SYT14: variants seen among roughly 807,000 people sequenced by gnomAD.
The protein encoded by SYT14 is synaptotagmin-14.
SYT14 carries 32 observed loss-of-function variants against 74.2 expected under a neutral mutation model. The ratio of observed to expected loss-of-function variants is 0.43; its 90% CI spans 0.33 to 0.58. SYT14 has a LOEUF of 0.58. Ranked by LOEUF, SYT14 falls within the 20% of genes least tolerant of loss-of-function variation. The pLI is 0.05. For synonymous variants in SYT14, 298 were observed against 337.7 expected (o/e 0.88, Z 1.29); for missense variants, 791 against 981.8 (o/e 0.81, Z 2.60).
At position 209,980,723 on chromosome 1, in the gene SYT14, G is replaced by C. The variant is rs2079468961; in HGVS notation, c.-486+27967G>C. Among the ~76,000 whole-genome samples the C allele has an allele frequency of 2.0e-5, 3 of 152,142 alleles. No individual in the cohort carries two copies. In the South Asian group the frequency reaches 6.2e-4, roughly 32 times the overall value. Reference sequence around the variant, plus strand: ...ATAGGGAGCCCTTATCCCATTGCTTGTTTTTATCAGGTTTGTTGAAGATAA... The same window carrying C: ...ATAGGGAGCCCTTATCCCATTGCTTCTTTTTATCAGGTTTGTTGAAGATAA... On this transcript the variant is annotated intron_variant, in intron 2 of 9. Coordinates refer to ENST00000637265, the Ensembl canonical transcript of SYT14.
At chr1:210,026,862 G>T (rs12566314) in intron 5 of SYT14, among the ~76,000 whole-genome samples, 1 of 150,756 alleles carries the variant, frequency 6.6e-6, no homozygotes, top group Non-Finnish European at 1.5e-5. Flanking sequence ...ATTAATTTTC[G>T]TAATTTCTTT....
At chr1:210,159,946 A>G (rs929705364) in intron 9 of SYT14, among the ~76,000 whole-genome samples, 5 of 152,108 alleles carry the variant, frequency 3.3e-5, no homozygotes, top group African/African-American at 4.8e-5. Context: ...CATCACATCA[A>G]TTTTTTTGTA....
At chr1:210,030,607 A>G (rs1236505670) in intron 5 of SYT14, among the ~76,000 whole-genome samples, 1 of 152,086 alleles carries the variant, frequency 6.6e-6, no homozygotes, top group African/African-American at 2.4e-5. Flanking sequence ...TCTGGCTAGG[A>G]CTTTCAGTAC....
At chr1:210,016,812 A>T in exon 4 of SYT14, 1 of 1,231,820 alleles carries the variant, frequency 8.1e-7, no homozygotes, top group Non-Finnish European at 1.0e-6. Context: ...GTTAAAAGTA[A>T]AGCATCCAAA....
chr1:210,103,936 G>A (rs2082115336), intron 7 of SYT14, among the ~76,000 whole-genome samples: 1 of 152,178 alleles, frequency 6.6e-6, no homozygotes, highest in Admixed American at 6.6e-5. Context: ...GAATAACCAT[G>A]TCTACCTCCC....
chr1:209,966,208 C>T (rs992874586), intron 2 of SYT14, among the ~76,000 whole-genome samples: 22 of 152,154 alleles, frequency 1.4e-4, no homozygotes, highest in African/African-American at 4.6e-4. Context: ...ATCTGTTTGT[C>T]TGCCTTGTTG....
intron 5 of SYT14, among the ~76,000 whole-genome samples, chr1:210,049,153 C>T (rs2080941265): frequency 6.6e-6 from 1 of 152,164 alleles, no homozygotes; most frequent in African/African-American, 2.4e-5. Flanking sequence ...CTGTGCAAGC[C>T]ATTGGTGGAT....
chr1:210,109,176 G>T (rs139160851), intron 7 of SYT14, among the ~76,000 whole-genome samples: 3 of 152,070 alleles, frequency 2.0e-5, no homozygotes, highest in African/African-American at 7.2e-5. Flanking sequence ...AGACATTTAC[G>T]TGGCCAACAA....
intron 7 of SYT14, among the ~76,000 whole-genome samples, chr1:210,137,260 A>G (rs982033937): frequency 1.3e-5 from 2 of 152,180 alleles, no homozygotes; most frequent in Non-Finnish European, 2.9e-5. Flanking sequence ...AGCCTCCTTC[A>G]CCTCCTATGC....
At chr1:210,119,053 A>T (rs1321181717) in intron 7 of SYT14, among the ~76,000 whole-genome samples, 1 of 152,180 alleles carries the variant, frequency 6.6e-6, no homozygotes, top group African/African-American at 2.4e-5. Flanking sequence ...TTCATTTGAA[A>T]AATGTTTAAT....
exon 10 of SYT14, chr1:210,162,646 A>G (rs770756801): frequency 1.1e-5 from 5 of 439,908 alleles, no homozygotes; most frequent in South Asian, 6.6e-5. Flanking sequence ...TAAGTACTAT[A>G]TATTATTGTA....
chr1:210,111,537 AT>A (rs2082262016), intron 7 of SYT14, among the ~76,000 whole-genome samples: 1 of 151,246 alleles, frequency 6.6e-6, no homozygotes, highest in Admixed American at 6.5e-5. Context: ...TGGAGAGATA[AT>A]GGGCAATGTT....
chr1:210,147,791 G>A (rs2083071517), intron 7 of SYT14, among the ~76,000 whole-genome samples: 1 of 152,048 alleles, frequency 6.6e-6, no homozygotes, highest in Non-Finnish European at 1.5e-5. Flanking sequence ...GAAAGGAGGT[G>A]TACTATTAAA....
chr1:210,116,735 A>G (rs1448028141), intron 7 of SYT14, among the ~76,000 whole-genome samples: 7 of 152,214 alleles, frequency 4.6e-5, no homozygotes, highest in Non-Finnish European at 8.8e-5. Context: ...CATAGTATCT[A>G]AAACATAGGT....
chr1:210,031,886 G>T (rs1177132577), intron 5 of SYT14, among the ~76,000 whole-genome samples: 1 of 151,062 alleles, frequency 6.6e-6, no homozygotes, highest in Non-Finnish European at 1.5e-5. Flanking sequence ...CCCACCTATT[G>T]TTGTTTAGGG....
intron 2 of SYT14, among the ~76,000 whole-genome samples, chr1:209,953,971 A>G (rs977767166): frequency 1.3e-5 from 2 of 152,222 alleles, no homozygotes; most frequent in African/African-American, 2.4e-5. Flanking sequence ...TTATTTCTCT[A>G]CATAAACATT....
chr1:210,158,059 A>G (rs992994219), intron 8 of SYT14, among the ~76,000 whole-genome samples: 1 of 152,210 alleles, frequency 6.6e-6, no homozygotes, highest in Non-Finnish European at 1.5e-5. Flanking sequence ...CATGTCTCTC[A>G]CAGGGCAAGT....
At chr1:210,084,512 T>C (rs933018780) in intron 5 of SYT14, among the ~76,000 whole-genome samples, 1 of 152,208 alleles carries the variant, frequency 6.6e-6, no homozygotes, top group Non-Finnish European at 1.5e-5. Context: ...CTGGTCATAA[T>C]AGCTTGCTGT....
chr1:209,949,360 G>T (rs2078874360), intron 1 of SYT14, among the ~76,000 whole-genome samples: 1 of 152,024 alleles, frequency 6.6e-6, no homozygotes, highest in African/African-American at 2.4e-5. Flanking sequence ...GGATCATGAG[G>T]TCAAGAGATC....
Sources: allele counts gnomAD v4.1 joint callset (sites outside exome capture counted in the v4.1 genomes callset), GRCh38; gene constraint gnomAD v4.1.1; transcripts MANE v1.5; gene names NCBI Gene and HGNC (gene_info 2026-07-23, HGNC 2026-07-21).